Variants in ZMYM1 observed in about 807,000 individuals in gnomAD.
ZMYM1 encodes the protein zinc finger MYM-type containing 1, also known as zinc finger MYM-type protein 1.
Under a neutral mutation model 60.0 loss-of-function variants are expected in ZMYM1, and 39 were observed. The ratio of observed to expected loss-of-function variants is 0.65; its 90% CI spans 0.50 to 0.85. The LOEUF (loss-of-function observed/expected upper bound fraction) is 0.85, where lower values mean the gene tolerates loss of function less well. Ranked by LOEUF, ZMYM1 falls within the 40% of genes least tolerant of loss-of-function variation. The probability of loss-of-function intolerance (pLI) is 0.00; values close to 1 mark genes in which losing one functional copy is unlikely to be tolerated. For missense variants in ZMYM1, 1,171 were observed against 1,309.5 expected, an observed-to-expected ratio of 0.89 and a Z score of 1.63; for synonymous variants, 413 against 454.0, an observed-to-expected ratio of 0.91 and a Z score of 1.15.
Position 35,114,043 on chromosome 1 carries a change from C to G in ZMYM1, c.2213C>G (p.Pro738Arg), listed in dbSNP as rs373210623. Residue 738 changes from proline (P) to arginine (R), a missense_variant, in exon 10 of 10, where the codon CCA becomes CGA. Coordinates refer to ENST00000359858, the MANE Select transcript of ZMYM1 (RefSeq NM_024772.5). ...GCAGCAGAATTCAAGAAAGAAGAAC[C>G]AAGAGCTTTATACATACATTGTTAT... Reference protein sequence around the residue: ...KIAAEFKKEEPRALYIHCYAH... With the variant: ...KIAAEFKKEERRALYIHCYAH... 6.8e-6 allele frequency: 11 copies of G among 1,606,740 alleles called. No individual in the cohort carries two copies. The highest frequency in any genetic ancestry group is 9.3e-6 in the Non-Finnish European group (11 of 1,178,236).
At chr1:35,069,434 A>G (rs1237871925) in intron 1 of ZMYM1, among the ~76,000 whole-genome samples, 1 of 152,092 alleles carries the variant, frequency 6.6e-6, no homozygotes, top group Non-Finnish European at 1.5e-5. Flanking sequence ...TTAAAATCAG[A>G]TTATCTGTTT....
At chr1:35,094,485 T>C (rs745562005) in intron 2 of ZMYM1, among the ~76,000 whole-genome samples, 4 of 152,182 alleles carry the variant, frequency 2.6e-5, no homozygotes, top group Non-Finnish European at 2.9e-5. Context: ...TTTAGACATA[T>C]CACTAAAGAA....
intron 2 of ZMYM1, among the ~76,000 whole-genome samples, chr1:35,095,195 A>C (rs1002653899): frequency 1.3e-5 from 2 of 151,940 alleles, no homozygotes; most frequent in Non-Finnish European, 2.9e-5. Context: ...TTATGAAGAC[A>C]ATTAGCTGTT....
At chr1:35,086,806 C>T (rs1466049299) in intron 1 of ZMYM1, among the ~76,000 whole-genome samples, 4 of 151,614 alleles carry the variant, frequency 2.6e-5, no homozygotes, top group African/African-American at 7.3e-5. Flanking sequence ...CTCAGCCTCC[C>T]GAGTAGCAGG....
Position 35,111,851 on chromosome 1 carries a change from T to C in ZMYM1, c.1041T>C (p.Asn347=). 6.2e-7 allele frequency: 1 copy of C among 1,609,600 alleles called. No individual in the cohort carries two copies. Among genetic ancestry groups the C allele is most frequent in the South Asian group, 1.1e-5 (1 of 90,472 alleles). ...PKKDTTPVIS[N]IVSLADTDVA... ...AAGATACGACTCCAGTTATAAGCAA[T>C]ATAGTGTCATTGGCAGACACCGATG... Residue 347 remains asparagine (N), a synonymous_variant, in exon 8 of 10, where the codon AAT becomes AAC. Coordinates refer to ENST00000359858, the MANE Select transcript of ZMYM1 (RefSeq NM_024772.5).
intron 4 of ZMYM1, among the ~76,000 whole-genome samples, chr1:35,101,955 G>A (rs1643683258): frequency 6.6e-6 from 1 of 152,020 alleles, no homozygotes; most frequent in Non-Finnish European, 1.5e-5. Flanking sequence ...TGTAGATTAT[G>A]AATATTAACT....
chr1:35,083,352 A>G (rs1429220723), intron 1 of ZMYM1, among the ~76,000 whole-genome samples: 3 of 151,910 alleles, frequency 2.0e-5, no homozygotes, highest in Admixed American at 2.0e-4. Flanking sequence ...GGGTCTCACT[A>G]TGCTGCCAGG....
chr1:35,094,241 A>G (rs1158199760), intron 2 of ZMYM1, among the ~76,000 whole-genome samples, 158 bp downstream of exon 2: 2 of 152,216 alleles, frequency 1.3e-5, no homozygotes, highest in African/African-American at 2.4e-5. Flanking sequence ...AAGTGCCACT[A>G]CAAGTATATG....
intron 1 of ZMYM1, among the ~76,000 whole-genome samples, chr1:35,091,175 C>T (rs1159786790): frequency 1.3e-5 from 2 of 152,048 alleles, no homozygotes; most frequent in African/African-American, 2.4e-5. Flanking sequence ...GAGTTCAAAT[C>T]CCTTGAGTTT....
intron 1 of ZMYM1, among the ~76,000 whole-genome samples, chr1:35,080,442 G>T (rs945397030): frequency 6.6e-6 from 1 of 151,212 alleles, no homozygotes; most frequent in Non-Finnish European, 1.5e-5. Context: ...TCAGGTTCCA[G>T]AGTAGCTGGA....
chr1:35,063,678 T>C (rs1314451599), intron 1 of ZMYM1, among the ~76,000 whole-genome samples: 1 of 152,134 alleles, frequency 6.6e-6, no homozygotes, highest in East Asian at 1.9e-4. Flanking sequence ...ATGTAGTCCA[T>C]CTGTATGCCC....
downstream of ZMYM1, among the ~76,000 whole-genome samples, chr1:35,118,390 T>C (rs1048419237): frequency 6.6e-6 from 1 of 152,216 alleles, no homozygotes; most frequent in African/African-American, 2.4e-5. Flanking sequence ...ATTTTCATCA[T>C]TTTCTAGCTG....
intron 3 of ZMYM1, among the ~76,000 whole-genome samples, chr1:35,096,310 T>TA (rs570507284): frequency 0.017 from 2,077 of 121,882 alleles, 53 homozygotes; most frequent in African/African-American, 0.055. Flanking sequence ...AGACTCTGTC[T>TA]AAAAAAAAAA....
In ZMYM1 at chr1:35,114,291, G is replaced by A; in HGVS notation, c.2461G>A (p.Asp821Asn). The stretch of plus-strand genomic sequence containing the variant: ...TGATCGTACATTACTATCTGTGATT[G>A]ACAGTCTTCCAGAGATTATTGAAAC... ...VHDRTLLSVIDSLPEIIETLE... is the reference protein window; with the variant it reads ...VHDRTLLSVINSLPEIIETLE... Residue 821 changes from aspartate (D) to asparagine (N), a missense_variant, in exon 10 of 10, where the codon GAC (aspartate) becomes AAC (asparagine). Coordinates refer to ENST00000359858, the MANE Select transcript of ZMYM1 (RefSeq NM_024772.5). 1 of 1,613,786 alleles carries A rather than the reference G, an allele frequency of 6.2e-7. No homozygotes were observed. The highest frequency in any genetic ancestry group is 8.5e-7 in the Non-Finnish European group (1 of 1,179,850).
intron 4 of ZMYM1, among the ~76,000 whole-genome samples, chr1:35,101,774 C>T (rs948088826): frequency 6.6e-6 from 1 of 151,920 alleles, no homozygotes; most frequent in African/African-American, 2.4e-5. Flanking sequence ...TAGTCTCGAA[C>T]TCCTGACCTC....
chr1:35,070,404 AAC>A (rs1642046105), intron 1 of ZMYM1, among the ~76,000 whole-genome samples: 1 of 152,170 alleles, frequency 6.6e-6, no homozygotes, highest in African/African-American at 2.4e-5. Context: ...AATATATAGA[AAC>A]ACTGCTGATT....
intron 1 of ZMYM1, among the ~76,000 whole-genome samples, chr1:35,085,079 G>A (rs1413983767): frequency 4.0e-5 from 6 of 151,590 alleles, no homozygotes; most frequent in East Asian, 1.9e-4. Context: ...ACAGAGTCTC[G>A]CTCTGTCGCC....
intron 1 of ZMYM1, among the ~76,000 whole-genome samples, chr1:35,087,581 C>G (rs1642727150): frequency 6.6e-6 from 1 of 151,950 alleles, no homozygotes; most frequent in African/African-American, 2.4e-5. Flanking sequence ...CATGCCCCAC[C>G]ACGCTCGGCT....
chr1:35,090,148 C>T (rs1642918653), intron 1 of ZMYM1, among the ~76,000 whole-genome samples: 1 of 151,988 alleles, frequency 6.6e-6, no homozygotes, highest in East Asian at 1.9e-4. Context: ...CCTCGTGATC[C>T]ACCCACCTCG....
Sources: gnomAD v4.1 joint callset for allele counts (sites outside exome capture counted in the v4.1 genomes callset) on GRCh38, gnomAD v4.1.1 for gene constraint, MANE v1.5 for transcripts, NCBI Gene and HGNC (gene_info 2026-07-23, HGNC 2026-07-21) for gene names.